Variants in ZNF765 observed in about 807,000 individuals in gnomAD.
The protein encoded by ZNF765 is zinc finger protein 765.
ZNF765 carries 37 observed loss-of-function variants against 44.7 expected under a neutral mutation model. The observed-to-expected ratio is 0.83, with a 90% CI of 0.64 to 1.09. The LOEUF (loss-of-function observed/expected upper bound fraction) is 1.09. ZNF765 is among the 50% of genes least tolerant of loss of function. The pLI is 0.00. For synonymous variants in ZNF765, 201 were observed against 213.7 expected, an observed-to-expected ratio of 0.94 and a Z score of 0.52; for missense variants, 594 against 626.1, an observed-to-expected ratio of 0.95 and a Z score of 0.55.
At chr19:53,415,946 T>TTGTTTTG (rs2085872261), downstream of ZNF765, among the ~76,000 whole-genome samples, 1 of 85,966 alleles carries the variant, frequency 1.2e-5, no homozygotes, top group Admixed American at 1.6e-4. Flanking sequence ...TTCTTTTGTT[T>TTGTTTTG]TGTTTTGTTT....
At chr19:53,413,660 C>G (rs1336009032), downstream of ZNF765, among the ~76,000 whole-genome samples, 2 of 143,892 alleles carry the variant, frequency 1.4e-5, no homozygotes, top group Non-Finnish European at 3.0e-5. Flanking sequence ...GATCCTTGCA[C>G]TTTGGGAGGC....
chr19:53,415,144 C>A (rs986072343), downstream of ZNF765, among the ~76,000 whole-genome samples: 24 of 152,032 alleles, frequency 1.6e-4, no homozygotes, highest in Admixed American at 1.4e-3. Flanking sequence ...GTGGCACATG[C>A]CTGTAATCCC....
chr19:53,401,480 G>A (rs10407533), intron 2 of ZNF765, among the ~76,000 whole-genome samples: 27,187 of 151,672 alleles, frequency 0.18, 2,791 homozygotes, highest in East Asian at 0.34. Flanking sequence ...GGAGAATGGC[G>A]TGAACCGGGG....
At chr19:53,418,970 G>A (rs1053135289) in intron 3 of ZNF765, among the ~76,000 whole-genome samples, 1 of 149,652 alleles carries the variant, frequency 6.7e-6, no homozygotes, top group Admixed American at 6.7e-5. Flanking sequence ...GCGAATCTTA[G>A]GGGTTTGAAA....
intron 1 of ZNF765, among the ~76,000 whole-genome samples, chr19:53,396,410 A>G (rs1346318208): frequency 6.6e-6 from 1 of 152,232 alleles, no homozygotes; most frequent in African/African-American, 2.4e-5. Context: ...AAAGCTGAGC[A>G]TTTCAACAAA....
At chr19:53,395,998 G>GA (rs55835959) in intron 1 of ZNF765, among the ~76,000 whole-genome samples, 55 of 144,180 alleles carry the variant, frequency 3.8e-4, no homozygotes, top group Admixed American at 8.9e-4. Flanking sequence ...AAATGTGGGG[G>GA]AAAAAAAAAA....
At position 53,411,004 on chromosome 19, in the gene ZNF765, G is replaced by T; in HGVS notation, c.*1877G>T. On this transcript the variant is annotated 3_prime_UTR_variant, in exon 4 of 4. Coordinates refer to ENST00000396408, the MANE Select transcript of ZNF765 (RefSeq NM_001040185.3). ...CAGAAAATTCATTTTGGAGATAGTT[G>T]TTCCAAATACAATGTGTATAGCAAA... 2 of 358,418 alleles carry T rather than the reference G, an allele frequency of 5.6e-6. No homozygotes were observed. Among genetic ancestry groups the T allele is most frequent in the Non-Finnish European group, 1.1e-5 (2 of 178,184 alleles). 22.2% of individuals were successfully genotyped at this position (358,418 alleles called of 1,614,324 possible).
intron 2 of ZNF765, among the ~76,000 whole-genome samples, chr19:53,399,139 G>A (rs1482606709): frequency 6.6e-6 from 1 of 151,518 alleles, no homozygotes; most frequent in African/African-American, 2.4e-5. Flanking sequence ...CAATGTGCAG[G>A]TTAGTTACAT....
intron 3 of ZNF765, 74 bp from the exon 4 acceptor site, chr19:53,407,624 G>A (rs548131398): frequency 9.6e-6 from 11 of 1,150,388 alleles, no homozygotes; most frequent in Middle Eastern, 2.1e-4. Context: ...TGTTTTTTGT[G>A]TCATATTTAC....
At chr19:53,414,242 A>AAAAAAAAG, downstream of ZNF765, among the ~76,000 whole-genome samples, 1 of 148,860 alleles carries the variant, frequency 6.7e-6, no homozygotes, top group African/African-American at 2.5e-5. Flanking sequence ...CTCCATCTCA[A>AAAAAAAAG]AAAAAAAAAA....
At chr19:53,422,293 G>C (rs116274954) in intron 3 of ZNF765, among the ~76,000 whole-genome samples, 1,820 of 152,248 alleles carry the variant, frequency 0.012, 41 homozygotes, top group African/African-American at 0.042. Context: ...GCCCAGACAA[G>C]ATCAGTCCCC....
chr19:53,407,926 A>G lies in ZNF765; in HGVS notation c.371A>G (p.Glu124Gly). 1 of 1,614,192 alleles carries G rather than the reference A, an allele frequency of 6.2e-7. No homozygotes were observed. The highest frequency in any genetic ancestry group is 1.1e-5 in the South Asian group (1 of 91,084). ...ATCAAAAAGTTGACAGGTAGTACAGAGCGATATGATCAAAATTATGCTGGA... is the reference window on the plus strand; with the variant it reads ...ATCAAAAAGTTGACAGGTAGTACAGGGCGATATGATCAAAATTATGCTGGA... ...TKIKKLTGST[E>G]RYDQNYAGNK... Residue 124 changes from glutamate (E) to glycine (G), a missense_variant, in exon 4 of 4, where the codon GAG becomes GGG. By Grantham distance (98) the Glu-to-Gly change is moderately conservative. This residue lies in a region of ZNF765 where 567 missense variants were observed against 572.6 expected (regional missense o/e 0.99). Transcript: ENST00000396408.
chr19:53,408,806 C>G lies in ZNF765; in HGVS notation c.1251C>G (p.Gly417=). 1 of 1,614,004 alleles carries G rather than the reference C, an allele frequency of 6.2e-7. No homozygotes were observed. The highest frequency in any genetic ancestry group is 8.5e-7 in the Non-Finnish European group (1 of 1,180,004). ...AACCTTACAAGTGTAATGAGTGTGG[C>G]AAGACCTTCAATCAGCAGTTAACCC... ...EEKPYKCNEC[G]KTFNQQLTLN... is the part of the protein sequence containing the mutation. The change falls in exon 4 of 4, where the codon GGC becomes GGG. Residue 417 remains glycine (G), a synonymous_variant. Transcript: ENST00000396408.
At chr19:53,417,098 G>GTGAGC (rs1456947849) in intron 3 of ZNF765, among the ~76,000 whole-genome samples, 1 of 152,144 alleles carries the variant, frequency 6.6e-6, no homozygotes, top group Non-Finnish European at 1.5e-5. Flanking sequence ...GATTACAGAC[G>GTGAGC]TGAGCCACTA....
intron 3 of ZNF765, among the ~76,000 whole-genome samples, chr19:53,402,429 T>C (rs992996520): frequency 6.6e-6 from 1 of 151,916 alleles, no homozygotes; most frequent in African/African-American, 2.4e-5. Context: ...GCTAATTTTT[T>C]GTACTATTTT....
intron 1 of ZNF765, among the ~76,000 whole-genome samples, chr19:53,396,956 T>A (rs534375586): frequency 3.2e-4 from 48 of 152,276 alleles, no homozygotes; most frequent in Non-Finnish European, 6.5e-4. Flanking sequence ...ATTGCTTCTA[T>A]AGTTGATTGA....
At chr19:53,402,639 G>A (rs911857634) in intron 3 of ZNF765, among the ~76,000 whole-genome samples, 12 of 152,114 alleles carry the variant, frequency 7.9e-5, no homozygotes, top group Non-Finnish European at 1.2e-4. Flanking sequence ...ATGGCTCACT[G>A]CAATCTTGAA....
rs1457763434 is a variant in ZNF765, at chr19:53,418,154, G to A, written c.143-4908G>A. ...ACGGTGGCTCACGCCTGTAATCCCA[G>A]CACTTTGGGAGGCCAAGGCGGGAGG... is the stretch of plus-strand genomic sequence containing the variant. On this transcript the variant is annotated intron_variant, in intron 3 of 3. Coordinates refer to the ZNF765 transcript ENST00000594030. Among the ~76,000 whole-genome samples the A allele has an allele frequency of 2.0e-5, 3 of 152,196 alleles. No individual in the cohort carries two copies. The East Asian group carries it at 5.8e-4, about 29-fold the overall frequency.
Position 53,411,828 on chromosome 19 carries a change from T to G in ZNF765, c.*2701T>G, listed in dbSNP as rs1215110963. 1.3e-5 allele frequency: 2 copies of G among 152,282 alleles called. No individual in the cohort carries two copies. Among genetic ancestry groups the G allele is most frequent in the Non-Finnish European group, 2.9e-5 (2 of 68,068 alleles). The allele number at this position is 152,282 out of a possible 1,614,324, so 9.4% of individuals were successfully genotyped here. On this transcript the variant is annotated 3_prime_UTR_variant, in exon 4 of 4. Transcript: ENST00000396408. Reference sequence around the variant, plus strand: ...AATGGAAGTGTTTTAAAATTTTCTTTTAAAGTTGTTTGTTGTTAAAAGTAT... The same window carrying G: ...AATGGAAGTGTTTTAAAATTTTCTTGTAAAGTTGTTTGTTGTTAAAAGTAT...
Sources: gnomAD v4.1 joint callset for allele counts (sites outside exome capture counted in the v4.1 genomes callset) on GRCh38, gnomAD v4.1.1 for gene constraint, gnomAD v4.1.1 regional missense constraint, MANE v1.5 for transcripts, NCBI Gene and HGNC (gene_info 2026-07-23, HGNC 2026-07-21) for gene names.